The following ALDH3B2 variants were observed in gnomAD, a reference collection of about 807,000 sequenced individuals.
ALDH3B2 encodes the protein aldehyde dehydrogenase 3 family member B2.
In ALDH3B2, 45 loss-of-function variants were observed where a neutral mutation model predicts 36.7. The observed-to-expected ratio is 1.23, with a 90% CI of 0.97 to 1.57. The LOEUF is 1.57. Ranked by LOEUF, ALDH3B2 falls within the 40% of genes most tolerant of loss-of-function variation. The pLI, the probability that ALDH3B2 is intolerant of heterozygous loss-of-function variation, is 0.00. For synonymous variants in ALDH3B2, 217 were observed against 226.5 expected (o/e 0.96, Z 0.38); for missense variants, 464 against 513.3 (o/e 0.90, Z 0.93).
upstream of ALDH3B2, among the ~76,000 whole-genome samples, chr11:67,675,616 A>G (rs181421946): frequency 3.5e-3 from 531 of 152,324 alleles, 5 homozygotes; most frequent in African/African-American, 0.012. Flanking sequence ...GAGACAGCCC[A>G]GCGGAGGCCA....
At position 67,664,725 on chromosome 11, in the gene ALDH3B2, C is replaced by T. The variant is rs560152475; in HGVS notation, c.707-163G>A. On this transcript the variant is annotated intron_variant, in intron 7 of 9. Coordinates refer to ENST00000349015, the Ensembl canonical transcript of ALDH3B2. ...TTGGAGTGTTTAGGGAAGAAAGTTTCCCCACAGCCCCCCAGAAGGGACCCT... is the reference window on the plus strand; with the variant it reads ...TTGGAGTGTTTAGGGAAGAAAGTTTTCCCACAGCCCCCCAGAAGGGACCCT... Among the ~76,000 whole-genome samples the T allele has an allele frequency of 1.4e-4, 22 of 152,310 alleles. 1 individual carries two copies. In the South Asian group the frequency reaches 4.6e-3, roughly 32 times the overall value.
chr11:67,672,110 G>T (rs1316530120), intron 1 of ALDH3B2, among the ~76,000 whole-genome samples: 1 of 67,888 alleles, frequency 1.5e-5, no homozygotes, highest in Non-Finnish European at 2.8e-5. Flanking sequence ...TTTTGTGTGT[G>T]TGTGTGTGTG....
exon 10 of ALDH3B2, chr11:67,662,930 C>G: frequency 2.2e-6 from 1 of 455,050 alleles, no homozygotes. Flanking sequence ...CTGGGTCTGG[C>G]CAACCCTGAC....
At chr11:67,666,883 T>C (rs1007374366) in intron 3 of ALDH3B2, 23 bp downstream of exon 3, 3 of 1,614,074 alleles carry the variant, frequency 1.9e-6, no homozygotes, top group Non-Finnish European at 2.5e-6. Flanking sequence ...CCTGCCCTCC[T>C]GCCGCCTGCC....
At chr11:67,667,569 CG>C (rs949554396) in exon 2 of ALDH3B2, 6 of 381,078 alleles carry the variant, frequency 1.6e-5, no homozygotes, top group African/African-American at 2.1e-5. Context: ...GGAACTCGGC[CG>C]GCCGCGTGCG....
At chr11:67,673,643 G>C (rs1194551800) in intron 1 of ALDH3B2, 2 of 152,334 alleles carry the variant, frequency 1.3e-5, no homozygotes, top group East Asian at 3.8e-4. Context: ...GCCATGCCTG[G>C]TGCAGGGCCC....
chr11:67,674,295 GC>G (rs1291394189), intron 1 of ALDH3B2, 140 bp downstream of exon 1: 1 of 152,562 alleles, frequency 6.6e-6, no homozygotes, highest in East Asian at 1.9e-4. Flanking sequence ...GGCCCCTGCA[GC>G]CATAGGCCCC....
At chr11:67,678,707 C>A (rs979742754), upstream of ALDH3B2, among the ~76,000 whole-genome samples, 63 of 145,530 alleles carry the variant, frequency 4.3e-4, 1 homozygote, top group African/African-American at 1.6e-3. Flanking sequence ...ACTATGGTGT[C>A]TATATATATA....
At chr11:67,668,363 G>A (rs1349038652) in intron 1 of ALDH3B2, among the ~76,000 whole-genome samples, 1 of 152,142 alleles carries the variant, frequency 6.6e-6, no homozygotes. Context: ...TTAGCCTGAG[G>A]GCCCAAGGGA....
chr11:67,663,851 C>G, intron 8 of ALDH3B2, 90 bp from the exon 9 acceptor site: 1 of 1,035,626 alleles, frequency 9.7e-7, no homozygotes, highest in Non-Finnish European at 1.4e-6. Flanking sequence ...TGAGCCTCAT[C>G]CTCACCTGCC....
chr11:67,665,813 T>C, intron 6 of ALDH3B2, 142 bp from the exon 7 acceptor site: 3 of 1,310,424 alleles, frequency 2.3e-6, no homozygotes, highest in Non-Finnish European at 3.1e-6. Flanking sequence ...CATCCTCAAC[T>C]GGCCTTGACC....
At chr11:67,665,720 C>T (rs1206205388) in intron 6 of ALDH3B2, 49 bp from the exon 7 acceptor site, 4 of 1,560,568 alleles carry the variant, frequency 2.6e-6, no homozygotes, top group Admixed American at 3.7e-5. Flanking sequence ...CTGGACCAGG[C>T]AGGATGGCCC....
intron 7 of ALDH3B2, 39 bp downstream of exon 7, chr11:67,665,246 C>T (rs1244080390): frequency 6.4e-7 from 1 of 1,564,002 alleles, no homozygotes; most frequent in Non-Finnish European, 8.7e-7. Flanking sequence ...GAGAAAGGGT[C>T]TTGGCCCAGG....
At chr11:67,662,979 A>T (rs1027168144) in exon 10 of ALDH3B2, 8 of 542,264 alleles carry the variant, frequency 1.5e-5, no homozygotes, top group Non-Finnish European at 2.6e-5. Flanking sequence ...GGGTGGGGTG[A>T]GTGAGGACAC....
At chr11:67,663,844 G>GGATGAGGCTCA in intron 8 of ALDH3B2, 83 bp from the exon 9 acceptor site, 3 of 1,217,566 alleles carry the variant, frequency 2.5e-6, no homozygotes, top group Non-Finnish European at 3.4e-6. Flanking sequence ...GCGGAGGTGA[G>GGATGAGGCTCA]CCTCATCCTC....
upstream of ALDH3B2, among the ~76,000 whole-genome samples, chr11:67,675,951 A>G (rs1856259539): frequency 6.6e-6 from 1 of 152,214 alleles, no homozygotes; most frequent in Non-Finnish European, 1.5e-5. Flanking sequence ...AGCAATTGTT[A>G]AAATGTAAAA....
intron 2 of ALDH3B2, 70 bp downstream of exon 2, chr11:67,667,403 C>A (rs1291187158): frequency 5.8e-6 from 2 of 346,408 alleles, no homozygotes; most frequent in Non-Finnish European, 1.1e-5. Flanking sequence ...CACTAGGGGG[C>A]ACGGGCCCTC....
chr11:67,667,357 TAAAC>T (rs577557752), intron 2 of ALDH3B2, 112 bp downstream of exon 2: 361 of 368,826 alleles, frequency 9.8e-4, no homozygotes, highest in African/African-American at 6.7e-3. Context: ...GGGGGTCTGT[TAAAC>T]AAACAGGAAT....
At position 67,663,239 on chromosome 11, in the gene ALDH3B2, G is replaced by T. The variant is rs528290645; in HGVS notation, c.1134C>A (p.Gly378=). ...CTCACAGGAGGGTGCAGCTCTGGGA[G>T]CCCATGCCCCAGCGTAACAGCTGCT... The change falls in exon 10 of 10, where the codon GGC becomes GGA. Residue 378 remains glycine (G), a synonymous_variant. Transcript: ENST00000349015. The T allele has an allele frequency of 6.8e-6, 11 of 1,611,980 alleles. No individual in the cohort carries two copies. The South Asian group carries it at 1.2e-4, about 18-fold the overall frequency.
Sources: allele counts gnomAD v4.1 joint callset (sites outside exome capture counted in the v4.1 genomes callset), GRCh38; gene constraint gnomAD v4.1.1; transcripts MANE v1.5; gene names NCBI Gene and HGNC (gene_info 2026-07-23, HGNC 2026-07-21).